DNM2: variants seen among roughly 807,000 people sequenced by gnomAD.
DNM2 encodes dynamin 2.
A neutral mutation model predicts 99.0 loss-of-function variants in DNM2; 15 were observed. The observed-to-expected ratio is 0.15, with a 90% CI of 0.10 to 0.23. DNM2 has a LOEUF of 0.23. Ranked by LOEUF, DNM2 falls within the 10% of genes least tolerant of loss-of-function variation. DNM2 has a pLI of 1.00. For synonymous variants in DNM2, 525 were observed against 481.2 expected, an observed-to-expected ratio of 1.09 and a Z score of -1.19; for missense variants, 742 against 1,189.4, an observed-to-expected ratio of 0.62 and a Z score of 5.53.
chr19:10,831,108 G>T lies in DNM2; in HGVS notation c.*61G>T. 1 of 1,533,172 alleles carries T rather than the reference G, an allele frequency of 6.5e-7. No individual in the cohort carries two copies. The allele number at this position is 1,533,172 out of a possible 1,614,324, so 95.0% of individuals were successfully genotyped here. ...GCACCCGCGGCGCAGGAGCTTCAGTGGTCTGGGGCCCTCCGCCGCCCCTAT... is the reference window on the plus strand; with the variant it reads ...GCACCCGCGGCGCAGGAGCTTCAGTTGTCTGGGGCCCTCCGCCGCCCCTAT... On this transcript the variant is annotated 3_prime_UTR_variant, in exon 21 of 21. Transcript: ENST00000389253. This position sits in a 1 kb window ranked among gnomAD's most constrained non-coding sequence, Gnocchi z 4.3.
intron 5 of DNM2, 66 bp downstream of exon 5, chr19:10,777,282 A>G (rs943335467): frequency 1.4e-6 from 2 of 1,478,456 alleles, no homozygotes; most frequent in Non-Finnish European, 1.9e-6. Flanking sequence ...CTGAAACCCC[A>G]GCACCTGTTC....
chr19:10,810,598 C>T (rs1367886910), intron 14 of DNM2: 1 of 152,402 alleles, frequency 6.6e-6, no homozygotes, highest in East Asian at 1.9e-4. Context: ...CAGCTCTGAC[C>T]AACACTAACC....
At chr19:10,758,162 G>A (rs913062068) in intron 1 of DNM2, among the ~76,000 whole-genome samples, 30 of 152,170 alleles carry the variant, frequency 2.0e-4, no homozygotes, top group African/African-American at 6.5e-4. Context: ...TTCACTGTAA[G>A]TCGGAGCAGG....
At chr19:10,735,106 C>T (rs1476912744) in intron 1 of DNM2, among the ~76,000 whole-genome samples, 1 of 151,832 alleles carries the variant, frequency 6.6e-6, no homozygotes, top group African/African-American at 2.4e-5. Context: ...TGCAGCGGCG[C>T]GATCTCAGCT....
intron 5 of DNM2, among the ~76,000 whole-genome samples, chr19:10,777,508 A>AT (rs1165066624): frequency 6.6e-6 from 1 of 152,180 alleles, no homozygotes; most frequent in Non-Finnish European, 1.5e-5. Flanking sequence ...CCACTGGTGA[A>AT]TCTGCAGCTC....
At chr19:10,755,353 T>C (rs569952775) in intron 1 of DNM2, 1 of 152,114 alleles carries the variant, frequency 6.6e-6, no homozygotes, top group Non-Finnish European at 1.5e-5. Context: ...TCAAAAATAG[T>C]CATTGAAAGG....
intron 1 of DNM2, among the ~76,000 whole-genome samples, chr19:10,755,819 A>T (rs533073546): frequency 6.6e-6 from 1 of 151,858 alleles, no homozygotes; most frequent in African/African-American, 2.4e-5. Context: ...TTGCGCCCCC[A>T]CACCCGGTTA....
Position 10,775,623 on chromosome 19 carries a change from A to T in DNM2, c.386-80A>T. The T allele has an allele frequency of 6.6e-7, 1 of 1,518,514 alleles. No homozygotes were observed. The highest frequency in any genetic ancestry group is 9.1e-7 in the Non-Finnish European group (1 of 1,094,802). The allele number at this position is 1,518,514 out of a possible 1,614,324, so 94.1% of individuals were successfully genotyped here. ...CTGAGCCCCGCGCAGGAACTTTGGT[A>T]GTCAGCTGGGTGGCTGCGGGCCTGT... On this transcript the variant is annotated intron_variant, in intron 3 of 20. Coordinates refer to ENST00000389253, the MANE Select transcript of DNM2 (RefSeq NM_001005361.3). This position sits in a 1 kb window ranked among gnomAD's most constrained non-coding sequence, Gnocchi z 4.3.
In DNM2 at chr19:10,781,096, C is replaced by T. The variant is rs149504665; in HGVS notation, c.689-1864C>T. Among the ~76,000 whole-genome samples the T allele has an allele frequency of 3.6e-3, 540 of 150,764 alleles. 3 individuals are homozygous for T. Among genetic ancestry groups the T allele is most frequent in the African/African-American group, 0.012 (504 of 41,040 alleles). On this transcript the variant is annotated intron_variant, in intron 5 of 20. Coordinates refer to ENST00000389253, the MANE Select transcript of DNM2 (RefSeq NM_001005361.3). ...TCCCAGCTACTCAGGAGGCTGAGTC[C>T]GGAGGATGGCTTGAGCCCAGGAGTT...
At chr19:10,745,860 G>A (rs2069946783) in intron 1 of DNM2, among the ~76,000 whole-genome samples, 1 of 152,258 alleles carries the variant, frequency 6.6e-6, no homozygotes, top group Non-Finnish European at 1.5e-5. Context: ...GAGATAGCCA[G>A]GATTGTGGAA....
chr19:10,805,866 T>TC (rs551398068), intron 12 of DNM2, 50 bp from the exon 13 acceptor site: 109 of 1,612,656 alleles, frequency 6.8e-5, no homozygotes, highest in South Asian at 2.6e-4. Context: ...TTCCCCTTCT[T>TC]CCCCCCCGGC....
At chr19:10,733,919 A>G (rs559453980) in intron 1 of DNM2, among the ~76,000 whole-genome samples, 1 of 152,068 alleles carries the variant, frequency 6.6e-6, no homozygotes, top group South Asian at 2.1e-4. Context: ...GAGGCAGGAG[A>G]ATTGCTTAAA....
Position 10,793,981 on chromosome 19 carries a change from C to T in DNM2, c.1128+126C>T, listed in dbSNP as rs2071840591. On this transcript the variant is annotated intron_variant, in intron 8 of 20. Coordinates refer to ENST00000389253, the MANE Select transcript of DNM2 (RefSeq NM_001005361.3). The stretch of plus-strand genomic sequence containing the variant: ...CCTCTAGGCCTGAACTTGTGGTGGG[C>T]AGGGTGTGGCCTGGATGAGGTGTCC... The T allele has an allele frequency of 6.7e-6, 10 of 1,498,876 alleles. No individual in the cohort carries two copies. The East Asian group carries it at 1.6e-4, about 24-fold the overall frequency. 92.8% of individuals were successfully genotyped at this position (1,498,876 alleles called of 1,614,324 possible). A position where few individuals can be genotyped will look rare whatever the true frequency, so the allele number is the denominator to read the frequency against.
intron 8 of DNM2, 104 bp downstream of exon 8, chr19:10,793,959 C>T (rs2071839826): frequency 6.3e-7 from 1 of 1,588,252 alleles, no homozygotes. Context: ...GCTCCTACCT[C>T]TAGGCCTGAA....
intron 6 of DNM2, among the ~76,000 whole-genome samples, chr19:10,785,385 C>T (rs1967979400): frequency 6.6e-6 from 1 of 152,102 alleles, no homozygotes; most frequent in Non-Finnish European, 1.5e-5. Flanking sequence ...CCTTGGCCTC[C>T]CAAAGTGCTG....
intron 1 of DNM2, among the ~76,000 whole-genome samples, chr19:10,744,383 C>T (rs768967691): frequency 7.9e-5 from 12 of 152,086 alleles, no homozygotes; most frequent in South Asian, 4.2e-4. Flanking sequence ...AGAACGGGTC[C>T]GGGCTGTTCC....
chr19:10,772,579 C>T lies in DNM2; in HGVS notation c.336C>T (p.Asn112=). Reference sequence around the variant, plus strand: ...AGACCGACAGGGTCACGGGGACCAACAAAGGCATCTCCCCAGTGCCCATCA... The same window carrying T: ...AGACCGACAGGGTCACGGGGACCAATAAAGGCATCTCCCCAGTGCCCATCA... ...EAETDRVTGT[N]KGISPVPINL... Residue 112 remains asparagine, a synonymous_variant, in exon 3 of 21, where the codon AAC becomes AAT. Transcript: ENST00000389253. This position sits in a 1 kb window ranked among gnomAD's most constrained non-coding sequence, Gnocchi z 4.9. 1.2e-6 allele frequency: 2 copies of T among 1,614,196 alleles called. No homozygotes were observed. Among genetic ancestry groups the T allele is most frequent in the Non-Finnish European group, 1.7e-6 (2 of 1,180,036 alleles).
chr19:10,774,519 C>T (rs183639976), intron 3 of DNM2, among the ~76,000 whole-genome samples: 6 of 152,026 alleles, frequency 3.9e-5, no homozygotes, highest in East Asian at 3.9e-4. Context: ...CTCCACCTCC[C>T]GGGTTCAAGT....
chr19:10,782,620 A>AGTGAT (rs1247354010), intron 5 of DNM2, among the ~76,000 whole-genome samples: 2 of 151,868 alleles, frequency 1.3e-5, no homozygotes, highest in Admixed American at 6.6e-5. Context: ...AGCCTCCCAA[A>AGTGAT]GTGATGGGAT....
Sources: allele counts gnomAD v4.1 joint callset (sites outside exome capture counted in the v4.1 genomes callset), GRCh38; gene constraint gnomAD v4.1.1; non-coding constraint Gnocchi (gnomAD v3.1); transcripts MANE v1.5; gene names NCBI Gene and HGNC (gene_info 2026-07-23, HGNC 2026-07-21).